CWF19L1: variants seen among roughly 807,000 people sequenced by gnomAD.
CWF19L1 encodes the protein CWF19 like cell cycle control factor 1.
CWF19L1 carries 60 observed loss-of-function variants against 69.7 expected under a neutral mutation model. The observed-to-expected ratio is 0.86, with a 90% CI of 0.70 to 1.07. The LOEUF is 1.07. Ranked by LOEUF, CWF19L1 falls within the 50% of genes least tolerant of loss-of-function variation. CWF19L1 has a pLI of 0.00. For missense variants in CWF19L1, 591 were observed against 638.9 expected, an observed-to-expected ratio of 0.92 and a Z score of 0.81; for synonymous variants, 209 against 222.2, an observed-to-expected ratio of 0.94 and a Z score of 0.53.
In CWF19L1 at chr10:100,262,251, G is replaced by A. The variant is rs558574640; in HGVS notation, c.24-188C>T. ...GTCTCACCAACACCTCCCACTCGCC[G>A]TATCTAAAATTTAGCTTATCATTTA... On this transcript the variant is annotated intron_variant, in intron 1 of 13. Transcript: ENST00000354105. 260 of 985,370 alleles carry A rather than the reference G, an allele frequency of 2.6e-4. 2 individuals are homozygous for A. In the South Asian group the frequency reaches 8.1e-3, roughly 31 times the overall value. 61.0% of individuals were successfully genotyped at this position (985,370 alleles called of 1,614,324 possible).
At chr10:100,244,149 G>C (rs17668357) in intron 9 of CWF19L1, among the ~76,000 whole-genome samples, 43,960 of 152,090 alleles carry the variant, frequency 0.29, 8,028 homozygotes, top group Non-Finnish European at 0.43. Context: ...CCCAAGGTCA[G>C]CTTCTTGTGT....
chr10:100,258,992 GGAGATC>G (rs971691484), intron 4 of CWF19L1, among the ~76,000 whole-genome samples: 34 of 151,436 alleles, frequency 2.2e-4, no homozygotes, highest in African/African-American at 7.8e-4. Flanking sequence ...CACCAGGTCA[GGAGATC>G]GAGACCATCC....
In CWF19L1 at chr10:100,233,009, A is replaced by G. The variant is rs113672546; in HGVS notation, c.*218T>C. 3.7e-4 allele frequency: 133 copies of G among 358,724 alleles called. No homozygotes were observed. Among genetic ancestry groups the G allele is most frequent in the African/African-American group, 2.5e-3 (119 of 47,574 alleles). 22.2% of individuals were successfully genotyped at this position (358,724 alleles called of 1,614,324 possible). ...AAAAAATCAAAAAAGTTTGCCAGGC[A>G]TGGTAGCATGCGCCTGTGGTCCCAG... On this transcript the variant is annotated 3_prime_UTR_variant, in exon 14 of 14. Transcript: ENST00000354105.
chr10:100,247,024 A>G lies in CWF19L1; in HGVS notation c.709-89T>C, dbSNP rs1177718722. 4 of 1,190,164 alleles carry G rather than the reference A, an allele frequency of 3.4e-6. No homozygotes were observed. The East Asian group carries it at 1.0e-4, about 30-fold the overall frequency. The allele number at this position is 1,190,164 out of a possible 1,614,324, so 73.7% of individuals were successfully genotyped here. On this transcript the variant is annotated intron_variant, in intron 7 of 13. Transcript: ENST00000354105. ...ATTTTACTGTGAAGATTTCACAGAA[A>G]ACATGTGAAACTCAGTAAAATTAAA...
Position 100,267,246 on chromosome 10 carries a change from G to A in CWF19L1, c.23+325C>T, listed in dbSNP as rs562508087. The stretch of plus-strand genomic sequence containing the variant: ...TCAGTGGGCCCAATGGCTATTTGGC[G>A]AGTAAATAAATGGGGTCAGGAGAAA... On this transcript the variant is annotated intron_variant, in intron 1 of 13. Coordinates refer to ENST00000354105, the MANE Select transcript of CWF19L1 (RefSeq NM_018294.6). Among the ~76,000 whole-genome samples the A allele has an allele frequency of 1.2e-3, 178 of 151,506 alleles. 1 individual carries two copies. The highest frequency in any genetic ancestry group is 1.4e-3 in the Non-Finnish European group (93 of 67,940).
intron 9 of CWF19L1, among the ~76,000 whole-genome samples, chr10:100,244,975 A>T (rs1269618684): frequency 3.9e-5 from 6 of 151,990 alleles, no homozygotes; most frequent in Admixed American, 3.9e-4. Flanking sequence ...TCTAGATAAA[A>T]ATTCATAAAG....
rs1472559476 is a variant in CWF19L1, at chr10:100,261,976, T to C, written c.108+3A>G. The C allele has an allele frequency of 6.3e-7, 1 of 1,592,094 alleles. No homozygotes were observed. The highest frequency in any genetic ancestry group is 1.9e-5 in the Admixed American group (1 of 53,510). On this transcript the variant is annotated splice_donor_region_variant and intron_variant, in intron 2 of 13. Coordinates refer to ENST00000354105, the MANE Select transcript of CWF19L1 (RefSeq NM_018294.6). Reference sequence around the variant, plus strand: ...TTAAATTCAGTAAAAACAAACATCTTACATCAAAGTTTCCACTTTTCTTCT... The same window carrying C: ...TTAAATTCAGTAAAAACAAACATCTCACATCAAAGTTTCCACTTTTCTTCT...
intron 9 of CWF19L1, among the ~76,000 whole-genome samples, chr10:100,245,092 G>A (rs1276238328): frequency 2.0e-5 from 3 of 149,898 alleles, no homozygotes; most frequent in Non-Finnish European, 3.0e-5. Flanking sequence ...GCATCATCTC[G>A]GCTCACTGCA....
At chr10:100,234,639 G>C (rs1222706677) in intron 13 of CWF19L1, among the ~76,000 whole-genome samples, 1 of 152,164 alleles carries the variant, frequency 6.6e-6, no homozygotes, top group Admixed American at 6.6e-5. Flanking sequence ...ATTAGTCCAA[G>C]ACAGGTTCAA....
At position 100,241,528 on chromosome 10, in the gene CWF19L1, A is replaced by T. The variant is rs186636485; in HGVS notation, c.1044+2170T>A. ...AAATCAATGAGAAATGGATGAAGGCACCTGTCTTCAGAAGCACTACACACT... is the reference window on the plus strand; with the variant it reads ...AAATCAATGAGAAATGGATGAAGGCTCCTGTCTTCAGAAGCACTACACACT... On this transcript the variant is annotated intron_variant, in intron 10 of 13. Transcript: ENST00000354105. Among the ~76,000 whole-genome samples the T allele has an allele frequency of 3.0e-3, 457 of 152,322 alleles. 4 individuals are homozygous for T. Among genetic ancestry groups the T allele is most frequent in the African/African-American group, 0.011 (446 of 41,572 alleles).
At chr10:100,261,816 C>T (rs1847411842) in intron 2 of CWF19L1, among the ~76,000 whole-genome samples, 163 bp downstream of exon 2, 1 of 152,170 alleles carries the variant, frequency 6.6e-6, no homozygotes. Context: ...AAATAGGTCT[C>T]CCTCCCCCAG....
intron 7 of CWF19L1, chr10:100,248,358 G>A (rs1464961125): frequency 2.2e-6 from 2 of 894,274 alleles, no homozygotes. Flanking sequence ...TGTGGATGCT[G>A]AGCAAAGAGC....
chr10:100,237,030 C>T (rs10437479), intron 11 of CWF19L1, 61 bp from the exon 12 acceptor site: 51,231 of 1,532,630 alleles, frequency 0.033, 1,905 homozygotes, highest in African/African-American at 0.16. Context: ...TGTGCCTGCA[C>T]AGTCTCTGAG....
chr10:100,252,614 C>G (rs752327850), intron 6 of CWF19L1, among the ~76,000 whole-genome samples: 1 of 152,132 alleles, frequency 6.6e-6, no homozygotes, highest in Non-Finnish European at 1.5e-5. Flanking sequence ...GTGGGCAGAT[C>G]ATGAGATCAA....
chr10:100,248,400 A>G (rs1051299269), intron 7 of CWF19L1: 57 of 753,470 alleles, frequency 7.6e-5, no homozygotes, highest in Non-Finnish European at 1.3e-4. Flanking sequence ...TGGAGTACAG[A>G]ACACTGTGGT....
rs761627607 is a variant in CWF19L1, at chr10:100,238,244, C to G, written c.1045-13G>C. On this transcript the variant is annotated splice_polypyrimidine_tract_variant and intron_variant, in intron 10 of 13. Transcript: ENST00000354105. Reference sequence around the variant, plus strand: ...GGGCAAGGTAGCACTGAAGAAGCAGCACACAGAATTGAGACATCAATACAG... The same window carrying G: ...GGGCAAGGTAGCACTGAAGAAGCAGGACACAGAATTGAGACATCAATACAG... 6.2e-7 allele frequency: 1 copy of G among 1,613,108 alleles called. No individual in the cohort carries two copies. The highest frequency in any genetic ancestry group is 1.3e-5 in the African/African-American group (1 of 74,898).
At chr10:100,251,575 G>A (rs575711088) in intron 6 of CWF19L1, among the ~76,000 whole-genome samples, 2 of 140,422 alleles carry the variant, frequency 1.4e-5, no homozygotes, top group East Asian at 2.2e-4. Flanking sequence ...GCAGTGGCGC[G>A]ATCTCTGCTC....
At chr10:100,240,970 C>T (rs924695647) in intron 10 of CWF19L1, among the ~76,000 whole-genome samples, 26 of 148,526 alleles carry the variant, frequency 1.8e-4, no homozygotes, top group Non-Finnish European at 3.1e-4. Context: ...AGTGCTCCCC[C>T]TAGAGACAGG....
rs753152775 is a variant in CWF19L1, at chr10:100,256,377, G to C, written c.389C>G (p.Pro130Arg). 1.2e-6 allele frequency: 2 copies of C among 1,613,840 alleles called. No homozygotes were observed. Among genetic ancestry groups the C allele is most frequent in the Admixed American group, 1.7e-5 (1 of 59,976 alleles). The change falls in exon 5 of 14, where the codon CCC becomes CGC. Residue 130 changes from proline (P) to arginine (R), a missense_variant. By Grantham distance (103) the Pro-to-Arg change is moderately radical. Around this residue, in one of 3 missense-constraint regions of CWF19L1, gnomAD observed 458 missense variants for 489.3 expected, o/e 0.94. Coordinates refer to ENST00000354105, the MANE Select transcript of CWF19L1 (RefSeq NM_018294.6). ...CATTCTCAGAGAAGACACATCCTTG[G>C]GACTAAAACTATAACCTGGTACTGG... ...NEPVPGYSFSPKDVSSLRMML... is the reference protein window; with the variant it reads ...NEPVPGYSFSRKDVSSLRMML...
Sources: gnomAD v4.1 joint callset for allele counts (sites outside exome capture counted in the v4.1 genomes callset) on GRCh38, gnomAD v4.1.1 for gene constraint, gnomAD v4.1.1 regional missense constraint, MANE v1.5 for transcripts, NCBI Gene and HGNC (gene_info 2026-07-23, HGNC 2026-07-21) for gene names.